Variants in ANKRD33B observed in about 807,000 individuals in gnomAD.
The protein encoded by ANKRD33B is ankyrin repeat domain 33B.
A neutral mutation model predicts 21.5 loss-of-function variants in ANKRD33B; 6 were observed. That is an observed-to-expected ratio of 0.28 (90% confidence interval 0.15 to 0.55). The LOEUF is 0.55. ANKRD33B is among the 20% of genes least tolerant of loss of function. The pLI is 0.94. For missense variants in ANKRD33B, 698 were observed against 747.2 expected, an observed-to-expected ratio of 0.93 and a Z score of 0.77; for synonymous variants, 347 against 342.4, an observed-to-expected ratio of 1.01 and a Z score of -0.15.
intron 1 of ANKRD33B, among the ~76,000 whole-genome samples, chr5:10,588,214 G>A (rs1329424191): frequency 6.6e-6 from 1 of 152,204 alleles, no homozygotes; most frequent in Non-Finnish European, 1.5e-5. Context: ...GCATACTTAT[G>A]TATTTGAGGT....
rs1196197073 is a variant in ANKRD33B at position 10,653,377 on chromosome 5, C to G, written c.*3264C>G. 6.6e-6 allele frequency: 1 copy of G among 152,446 alleles called. No individual in the cohort carries two copies. Among genetic ancestry groups the G allele is most frequent in the African/African-American group, 2.4e-5 (1 of 41,440 alleles). 9.4% of individuals were successfully genotyped at this position (152,446 alleles called of 1,614,324 possible). A position where few individuals can be genotyped will look rare whatever the true frequency, so the allele number is the denominator to read the frequency against. Reference sequence around the variant, plus strand: ...GTTTTCTCATTCTCTTTGGAGTGGGCACAGAGGGGACAAGTCGGCCCCCAG... The same window carrying G: ...GTTTTCTCATTCTCTTTGGAGTGGGGACAGAGGGGACAAGTCGGCCCCCAG... On this transcript the variant is annotated 3_prime_UTR_variant, in exon 4 of 4. Transcript: ENST00000296657.
chr5:10,602,004 G>A (rs968995211), intron 1 of ANKRD33B, among the ~76,000 whole-genome samples: 2 of 152,256 alleles, frequency 1.3e-5, no homozygotes, highest in African/African-American at 4.8e-5. Flanking sequence ...GACTAGGTAA[G>A]AATTTATTTG....
chr5:10,612,725 C>T (rs888849150), intron 1 of ANKRD33B, among the ~76,000 whole-genome samples: 7 of 152,192 alleles, frequency 4.6e-5, no homozygotes, highest in Admixed American at 1.3e-4. Flanking sequence ...CCGTCCCCAG[C>T]GCAAGATTCT....
At chr5:10,614,837 A>G (rs1051508468) in intron 1 of ANKRD33B, among the ~76,000 whole-genome samples, 13 of 152,170 alleles carry the variant, frequency 8.5e-5, no homozygotes, top group Admixed American at 6.5e-4. Context: ...CAGTGAGCCA[A>G]GATCACACCA....
intron 1 of ANKRD33B, among the ~76,000 whole-genome samples, chr5:10,577,419 G>A (rs1381589220): frequency 4.6e-5 from 7 of 152,140 alleles, no homozygotes; most frequent in Non-Finnish European, 8.8e-5. Context: ...CACCGCGCCC[G>A]GCCGCCTTTC....
At chr5:10,575,212 C>T (rs1735292255) in intron 1 of ANKRD33B, among the ~76,000 whole-genome samples, 1 of 151,216 alleles carries the variant, frequency 6.6e-6, no homozygotes, top group African/African-American at 2.4e-5. Flanking sequence ...ATCATGAGGT[C>T]AAAAGATCAA....
Position 10,564,693 on chromosome 5 carries a change from C to T in ANKRD33B, c.226C>T (p.Pro76Ser). The T allele has an allele frequency of 6.5e-7, 1 of 1,533,784 alleles. No individual in the cohort carries two copies. The highest frequency in any genetic ancestry group is 8.7e-7 in the Non-Finnish European group (1 of 1,145,846). The change falls in exon 1 of 4, where the codon CCG becomes TCG. Residue 76 changes from proline (P) to serine (S), a missense_variant. By Grantham distance (74) the Pro-to-Ser change is moderately conservative. This residue lies in a region of ANKRD33B where 148 missense variants were observed against 154.9 expected (regional missense o/e 0.96). Transcript: ENST00000296657. ...EHGVESAESVPEGVPESVPET... is the reference protein window; with the variant it reads ...EHGVESAESVSEGVPESVPET... Reference sequence around the variant, plus strand: ...CGGCGTCGAGAGCGCGGAGAGCGTCCCGGAGGGCGTCCCGGAAAGCGTCCC... The same window carrying T: ...CGGCGTCGAGAGCGCGGAGAGCGTCTCGGAGGGCGTCCCGGAAAGCGTCCC...
chr5:10,626,577 G>A (rs1165349830), intron 2 of ANKRD33B, among the ~76,000 whole-genome samples: 2 of 152,222 alleles, frequency 1.3e-5, no homozygotes, highest in African/African-American at 4.8e-5. Flanking sequence ...GGGCGATGTT[G>A]CAGGGTTGCT....
intron 2 of ANKRD33B, among the ~76,000 whole-genome samples, chr5:10,618,963 G>A (rs886595813): frequency 3.9e-5 from 6 of 152,178 alleles, no homozygotes; most frequent in African/African-American, 1.2e-4. Flanking sequence ...GTCAGTGGGA[G>A]CATCTTGTGA....
rs1178211628 is a variant in ANKRD33B at position 10,576,264 on chromosome 5, T to C, written c.366+11431T>C. On this transcript the variant is annotated intron_variant, in intron 1 of 3. Transcript: ENST00000296657. This position sits in a 1 kb window ranked among gnomAD's most constrained non-coding sequence, Gnocchi z 4.1. ...TGAAAGCAGGGTCAGACCTAGTTAT[T>C]AATAGGTGGGAAGAGGACTCACTGG... is the stretch of plus-strand genomic sequence containing the variant. Among the ~76,000 whole-genome samples the C allele has an allele frequency of 2.0e-5, 3 of 152,032 alleles. No individual in the cohort carries two copies. The highest frequency in any genetic ancestry group is 1.3e-4 in the Admixed American group (2 of 15,276).
intron 1 of ANKRD33B, among the ~76,000 whole-genome samples, chr5:10,601,772 C>T (rs187548435): frequency 2.6e-5 from 4 of 152,306 alleles, no homozygotes; most frequent in East Asian, 1.9e-4. Context: ...TTAAGTGTGA[C>T]GACACCTATA....
Position 10,657,756 on chromosome 5 carries a change from G to C in ANKRD33B, c.*7643G>C, listed in dbSNP as rs1737528603. On this transcript the variant is annotated 3_prime_UTR_variant, in exon 4 of 4. Coordinates refer to ENST00000296657, the MANE Select transcript of ANKRD33B (RefSeq NM_001164440.2). Reference sequence around the variant, plus strand: ...ATGTTTAAAAAATATGGAAAAAAGGGATAATGTAAAAATGTGGGAGAATTG... The same window carrying C: ...ATGTTTAAAAAATATGGAAAAAAGGCATAATGTAAAAATGTGGGAGAATTG... 6.6e-6 allele frequency: 1 copy of C among 152,284 alleles called. No individual in the cohort carries two copies. The highest frequency in any genetic ancestry group is 2.4e-5 in the African/African-American group (1 of 41,420). 9.4% of individuals were successfully genotyped at this position (152,284 alleles called of 1,614,324 possible).
At position 10,619,344 on chromosome 5, in the gene ANKRD33B, G is replaced by T. The variant is rs1294183021; in HGVS notation, c.496+882G>T. 2 of 985,280 alleles carry T rather than the reference G, an allele frequency of 2.0e-6. No homozygotes were observed. Among genetic ancestry groups the T allele is most frequent in the Non-Finnish European group, 2.4e-6 (2 of 829,938 alleles). 61.0% of individuals were successfully genotyped at this position (985,280 alleles called of 1,614,324 possible). A position where few individuals can be genotyped will look rare whatever the true frequency, so the allele number is the denominator to read the frequency against. Reference sequence around the variant, plus strand: ...CGGGTTGTTGAGAATCCCACTCAGGGCCTGGAAACTGGAGGAAGTGCCCCC... The same window carrying T: ...CGGGTTGTTGAGAATCCCACTCAGGTCCTGGAAACTGGAGGAAGTGCCCCC... On this transcript the variant is annotated intron_variant, in intron 2 of 3. Coordinates refer to ENST00000296657, the MANE Select transcript of ANKRD33B (RefSeq NM_001164440.2). The surrounding 1 kb of genome is among the most constrained non-coding windows in gnomAD (Gnocchi z 4.5).
rs757612240 is a variant in ANKRD33B, at chr5:10,638,008, G to T, written c.497-20G>T. On this transcript the variant is annotated intron_variant, in intron 2 of 3. Transcript: ENST00000296657. ...TTTGTGGAAGTGGGAACCAATACAC[G>T]TGTACACTTCTCTTTACAGGGCACG... The T allele has an allele frequency of 6.5e-7, 1 of 1,536,372 alleles. No individual in the cohort carries two copies.
At position 10,620,141 on chromosome 5, in the gene ANKRD33B, G is replaced by C. The variant is rs146440066; in HGVS notation, c.496+1679G>C. On this transcript the variant is annotated intron_variant, in intron 2 of 3. Transcript: ENST00000296657. The stretch of plus-strand genomic sequence containing the variant: ...GCGTGAGGCTGCGTGAGTGGTGACA[G>C]GGGTGAGAGGATCCCAGGGGCGTAG... Among the ~76,000 whole-genome samples the C allele has an allele frequency of 5.3e-5, 8 of 152,206 alleles. No homozygotes were observed. In the East Asian group the frequency reaches 1.6e-3, roughly 29 times the overall value.
intron 1 of ANKRD33B, among the ~76,000 whole-genome samples, chr5:10,600,680 G>A (rs764057893): frequency 2.6e-5 from 4 of 152,180 alleles, no homozygotes; most frequent in Admixed American, 6.5e-5. Flanking sequence ...GAGAGTATCC[G>A]TGAATGGAGT....
rs572093698 is a variant in ANKRD33B, at chr5:10,619,484, C to A, written c.496+1022C>A. 6.1e-6 allele frequency: 4 copies of A among 660,348 alleles called. No individual in the cohort carries two copies. The highest frequency in any genetic ancestry group is 5.6e-6 in the Non-Finnish European group (3 of 533,190). 40.9% of individuals were successfully genotyped at this position (660,348 alleles called of 1,614,324 possible). A position where few individuals can be genotyped will look rare whatever the true frequency, so the allele number is the denominator to read the frequency against. On this transcript the variant is annotated intron_variant, in intron 2 of 3. Transcript: ENST00000296657. This position sits in a 1 kb window ranked among gnomAD's most constrained non-coding sequence, Gnocchi z 4.5. ...TGGACCAAAGCCACCCTGGGTGGAT[C>A]TGATGGGTGGGGGGCCAGGGAGGCT...
chr5:10,641,104 A>G (rs542480901), intron 3 of ANKRD33B, among the ~76,000 whole-genome samples: 3 of 152,006 alleles, frequency 2.0e-5, no homozygotes, highest in Non-Finnish European at 4.4e-5. Context: ...TGAGGGTGGC[A>G]TCAGAGTTTT....
At chr5:10,597,478 A>G (rs1025701367) in intron 1 of ANKRD33B, among the ~76,000 whole-genome samples, 11 of 152,148 alleles carry the variant, frequency 7.2e-5, no homozygotes, top group Admixed American at 7.2e-4. Flanking sequence ...AGTCGATTCA[A>G]CAAGAAGAGC....
Sources: gnomAD v4.1 joint callset for allele counts (sites outside exome capture counted in the v4.1 genomes callset) on GRCh38, gnomAD v4.1.1 for gene constraint, gnomAD v4.1.1 regional missense constraint, Gnocchi (gnomAD v3.1) non-coding constraint, MANE v1.5 for transcripts, NCBI Gene and HGNC (gene_info 2026-07-23, HGNC 2026-07-21) for gene names.